Variants in PRKAR2B observed in about 807,000 individuals in gnomAD.
The protein encoded by PRKAR2B is cAMP-dependent protein kinase type II-beta regulatory subunit.
A neutral mutation model predicts 49.9 loss-of-function variants in PRKAR2B; 14 were observed. The observed-to-expected ratio is 0.28, with a 90% CI of 0.19 to 0.44. PRKAR2B has a LOEUF of 0.44. PRKAR2B is among the 20% of genes least tolerant of loss of function. The probability of loss-of-function intolerance (pLI) is 1.00; values close to 1 mark genes in which losing one functional copy is unlikely to be tolerated. For synonymous variants in PRKAR2B, 196 were observed against 197.7 expected, an observed-to-expected ratio of 0.99 and a Z score of 0.07; for missense variants, 393 against 537.9, an observed-to-expected ratio of 0.73 and a Z score of 2.67.
intron 1 of PRKAR2B, among the ~76,000 whole-genome samples, chr7:107,054,654 C>T (rs990781770): frequency 2.6e-5 from 4 of 152,122 alleles, no homozygotes; most frequent in Non-Finnish European, 4.4e-5. Flanking sequence ...CAAGAATGTG[C>T]AGGAATATAC....
At chr7:107,079,402 T>C (rs966250851) in intron 2 of PRKAR2B, 2 of 151,978 alleles carry the variant, frequency 1.3e-5, no homozygotes, top group Non-Finnish European at 1.5e-5. Context: ...AAAAAGCTTT[T>C]ATAAAGGAAG....
Position 107,121,989 on chromosome 7 carries a change from TG to T in PRKAR2B, c.382del (p.Asp128MetfsTer40). ...CTTATAATCCTGATGAAGAAGAAGA[TG>T]ATGCAGAGTCCAGGGTATGTAATTT... Reference protein sequence around the residue: ...EAYNPDEEEDDAESRIIHPKT... With the variant: ...EAYNPDEEEDXAESRIIHPKT... On this transcript the variant is annotated frameshift_variant, in exon 3 of 11. Transcript: ENST00000265717. LOFTEE classifies it high-confidence loss of function. The T allele has an allele frequency of 1.3e-6, 2 of 1,597,700 alleles. No homozygotes were observed. The highest frequency in any genetic ancestry group is 8.6e-7 in the Non-Finnish European group (1 of 1,168,294).
chr7:107,083,620 G>A (rs1794558432), intron 2 of PRKAR2B, among the ~76,000 whole-genome samples: 1 of 151,836 alleles, frequency 6.6e-6, no homozygotes, highest in African/African-American at 2.4e-5. Context: ...TCTTGTTGTT[G>A]TTGTTGTTTT....
At chr7:107,132,577 A>C (rs1424790289) in intron 4 of PRKAR2B, among the ~76,000 whole-genome samples, 1 of 152,112 alleles carries the variant, frequency 6.6e-6, no homozygotes, top group Non-Finnish European at 1.5e-5. Flanking sequence ...ATGGTTTCAC[A>C]AAAAAGGGTT....
chr7:107,123,890 C>T (rs918285781), intron 3 of PRKAR2B, among the ~76,000 whole-genome samples: 1 of 152,154 alleles, frequency 6.6e-6, no homozygotes, highest in Admixed American at 6.5e-5. Context: ...TGAGTATTCT[C>T]TCCTCTAAAT....
intron 1 of PRKAR2B, among the ~76,000 whole-genome samples, chr7:107,057,480 C>G (rs1793938871): frequency 6.6e-6 from 1 of 151,730 alleles, no homozygotes; most frequent in Non-Finnish European, 1.5e-5. Context: ...CAAAAATAAA[C>G]CAGATTGCTT....
At chr7:107,061,105 G>A (rs1794018641) in intron 1 of PRKAR2B, among the ~76,000 whole-genome samples, 1 of 151,706 alleles carries the variant, frequency 6.6e-6, no homozygotes, top group Admixed American at 6.6e-5. Context: ...TGGGTTTGCT[G>A]TCCTTTCCTC....
At chr7:107,072,664 T>G (rs979671190) in intron 2 of PRKAR2B, among the ~76,000 whole-genome samples, 1 of 152,168 alleles carries the variant, frequency 6.6e-6, no homozygotes, top group Non-Finnish European at 1.5e-5. Context: ...TTTGTTAATT[T>G]AATTTAGTGC....
intron 1 of PRKAR2B, among the ~76,000 whole-genome samples, chr7:107,046,131 C>G (rs761916414): frequency 1.2e-4 from 18 of 152,002 alleles, no homozygotes; most frequent in Non-Finnish European, 1.6e-4. Flanking sequence ...TGCTTACAAC[C>G]CTCTTTCCCT....
At chr7:107,108,837 A>T (rs1258395245) in intron 2 of PRKAR2B, among the ~76,000 whole-genome samples, 2 of 152,172 alleles carry the variant, frequency 1.3e-5, no homozygotes, top group Non-Finnish European at 1.5e-5. Flanking sequence ...GGCTGATACA[A>T]GTGAACCCCA....
chr7:107,124,011 A>G (rs1464657431), intron 3 of PRKAR2B, among the ~76,000 whole-genome samples: 1 of 152,206 alleles, frequency 6.6e-6, no homozygotes, highest in African/African-American at 2.4e-5. Context: ...GTAGAAGGAT[A>G]TTGGGAAATA....
At chr7:107,132,756 T>C (rs1795625763) in intron 4 of PRKAR2B, among the ~76,000 whole-genome samples, 1 of 152,182 alleles carries the variant, frequency 6.6e-6, no homozygotes, top group South Asian at 2.1e-4. Context: ...AAGAATGATC[T>C]TGGCTTTGTG....
chr7:107,138,290 A>G (rs1365876747), intron 4 of PRKAR2B, among the ~76,000 whole-genome samples: 1 of 151,974 alleles, frequency 6.6e-6, no homozygotes, highest in Non-Finnish European at 1.5e-5. Context: ...CAAATATGCC[A>G]CTCCAGTGGA....
At chr7:107,107,380 A>G (rs569351575) in intron 2 of PRKAR2B, among the ~76,000 whole-genome samples, 2 of 152,194 alleles carry the variant, frequency 1.3e-5, no homozygotes, top group East Asian at 1.9e-4. Flanking sequence ...TGGTTTCCCA[A>G]TTTGTATTGG....
chr7:107,148,601 G>A (rs960834822), intron 6 of PRKAR2B, among the ~76,000 whole-genome samples: 1 of 152,112 alleles, frequency 6.6e-6, no homozygotes, highest in African/African-American at 2.4e-5. Flanking sequence ...AGTATTTCAA[G>A]CCTACTTTTT....
chr7:107,130,613 C>A (rs973371854), intron 4 of PRKAR2B, among the ~76,000 whole-genome samples: 7 of 152,234 alleles, frequency 4.6e-5, no homozygotes, highest in African/African-American at 1.7e-4. Context: ...CCTGATAGAT[C>A]CTTGTCCATT....
At position 107,153,130 on chromosome 7, in the gene PRKAR2B, A is replaced by G. The variant is rs1240849912; in HGVS notation, c.844-47A>G. 4.1e-6 allele frequency: 6 copies of G among 1,468,480 alleles called. No individual in the cohort carries two copies. The South Asian group carries it at 6.1e-5, about 15-fold the overall frequency. The allele number at this position is 1,468,480 out of a possible 1,614,324, so 91.0% of individuals were successfully genotyped here. ...TTTTACTCCCGAACTAGATAAGCTT[A>G]CCCAGTTAATTTGTTTCTATTTAAT... On this transcript the variant is annotated intron_variant, in intron 7 of 10. Coordinates refer to ENST00000265717, the MANE Select transcript of PRKAR2B (RefSeq NM_002736.3).
At chr7:107,072,515 A>G (rs1794299266) in intron 2 of PRKAR2B, among the ~76,000 whole-genome samples, 1 of 152,210 alleles carries the variant, frequency 6.6e-6, no homozygotes, top group African/African-American at 2.4e-5. Flanking sequence ...AAAAAAGGGA[A>G]GAGGATTTAT....
chr7:107,105,831 C>T (rs575747290), intron 2 of PRKAR2B, among the ~76,000 whole-genome samples: 6 of 152,222 alleles, frequency 3.9e-5, no homozygotes, highest in Admixed American at 6.5e-5. Flanking sequence ...AACACTTCCT[C>T]GAGATGGATA....
Sources: allele counts gnomAD v4.1 joint callset (sites outside exome capture counted in the v4.1 genomes callset), GRCh38; gene constraint gnomAD v4.1.1; transcripts MANE v1.5; gene names NCBI Gene and HGNC (gene_info 2026-07-23, HGNC 2026-07-21).